The following DPP10 variants were observed in gnomAD, a reference collection of about 807,000 sequenced individuals.
The protein encoded by DPP10 is inactive dipeptidyl peptidase 10.
A neutral mutation model predicts 120.9 loss-of-function variants in DPP10; 33 were observed. The ratio of observed to expected loss-of-function variants is 0.27; its 90% confidence interval spans 0.21 to 0.37. DPP10 has a LOEUF of 0.37. DPP10 is among the 10% of genes least tolerant of loss of function. DPP10 has a pLI of 1.00. For synonymous variants in DPP10, 337 were observed against 326.1 expected (o/e 1.03, Z -0.36); for missense variants, 816 against 942.8 (o/e 0.87, Z 1.76).
At chr2:115,386,418 G>A (rs966975509) in intron 3 of DPP10, among the ~76,000 whole-genome samples, 5 of 152,216 alleles carry the variant, frequency 3.3e-5, no homozygotes, top group African/African-American at 9.6e-5. Context: ...ACTCAGTGAT[G>A]AGTGATGATG....
At chr2:115,622,530 T>C (rs1250852860) in intron 5 of DPP10, among the ~76,000 whole-genome samples, 1 of 98,408 alleles carries the variant, frequency 1.0e-5, no homozygotes, top group Admixed American at 1.2e-4. Context: ...TTTTTTTTTT[T>C]TTAACGTATG....
chr2:115,323,288 A>C (rs372188809), intron 2 of DPP10, among the ~76,000 whole-genome samples: 2 of 152,288 alleles, frequency 1.3e-5, no homozygotes, highest in African/African-American at 4.8e-5. Flanking sequence ...CCATAAGAAA[A>C]AACTCCTCGT....
chr2:115,075,705 C>T (rs1707729868), intron 1 of DPP10, among the ~76,000 whole-genome samples: 2 of 143,274 alleles, frequency 1.4e-5, no homozygotes, highest in African/African-American at 5.2e-5. Context: ...CAATGGTGAA[C>T]TTTTTTTTTT....
At chr2:115,146,952 T>G (rs2051258362) in intron 1 of DPP10, among the ~76,000 whole-genome samples, 1 of 152,116 alleles carries the variant, frequency 6.6e-6, no homozygotes, top group Non-Finnish European at 1.5e-5. Context: ...TTTTCTGTTT[T>G]TTATAAGCCA....
intron 1 of DPP10, among the ~76,000 whole-genome samples, chr2:115,290,065 C>T (rs1169968355): frequency 6.6e-6 from 1 of 152,102 alleles, no homozygotes; most frequent in African/African-American, 2.4e-5. Flanking sequence ...AGACAACCTA[C>T]AGAATGGGAG....
chr2:115,751,250 TA>T (rs1364544447), intron 10 of DPP10, among the ~76,000 whole-genome samples: 1 of 152,220 alleles, frequency 6.6e-6, no homozygotes, highest in Non-Finnish European at 1.5e-5. Context: ...TATTAAAGGT[TA>T]ATACTTCATT....
intron 1 of DPP10, among the ~76,000 whole-genome samples, chr2:114,991,997 G>T (rs1700778297): frequency 6.6e-6 from 1 of 152,206 alleles, no homozygotes; most frequent in Admixed American, 6.5e-5. Flanking sequence ...CCACAGTCAT[G>T]AATTCAACTT....
At chr2:115,235,891 T>G (rs1424972047) in intron 1 of DPP10, among the ~76,000 whole-genome samples, 1 of 152,172 alleles carries the variant, frequency 6.6e-6, no homozygotes, top group Non-Finnish European at 1.5e-5. Context: ...TTGCCTCAAA[T>G]AAGTACACGA....
chr2:115,441,203 G>A (rs1252873831), intron 3 of DPP10, among the ~76,000 whole-genome samples: 1 of 152,114 alleles, frequency 6.6e-6, no homozygotes, highest in African/African-American at 2.4e-5. Context: ...TATAAAATTG[G>A]TCACAGGAAA....
intron 1 of DPP10, among the ~76,000 whole-genome samples, chr2:114,447,034 A>ATTTTTTT (rs3981301): frequency 1.4e-5 from 2 of 138,364 alleles, no homozygotes; most frequent in Non-Finnish European, 3.1e-5. Context: ...TGGTTGTTAA[A>ATTTTTTT]TTTTTTTTTT....
At chr2:115,421,648 G>A (rs1021819601) in intron 3 of DPP10, among the ~76,000 whole-genome samples, 1 of 151,832 alleles carries the variant, frequency 6.6e-6, no homozygotes, top group South Asian at 2.1e-4. Context: ...CGAGGCAGGC[G>A]GATCACGAAG....
At chr2:114,507,247 C>T (rs1683753670) in intron 1 of DPP10, among the ~76,000 whole-genome samples, 1 of 151,992 alleles carries the variant, frequency 6.6e-6, no homozygotes, top group African/African-American at 2.4e-5. Flanking sequence ...CAGAGTTTTA[C>T]CGTGTTGTCC....
chr2:114,855,373 A>G (rs1036567162), intron 1 of DPP10, among the ~76,000 whole-genome samples: 1 of 152,188 alleles, frequency 6.6e-6, no homozygotes, highest in African/African-American at 2.4e-5. Flanking sequence ...TAAAGATAAC[A>G]AATACACCTT....
intron 2 of DPP10, among the ~76,000 whole-genome samples, chr2:115,330,991 C>T (rs1002360292): frequency 2.0e-5 from 3 of 152,120 alleles, no homozygotes; most frequent in African/African-American, 7.2e-5. Context: ...ATGGGGATGG[C>T]ATTGAATCTA....
intron 1 of DPP10, among the ~76,000 whole-genome samples, chr2:114,744,387 C>T (rs1413950493): frequency 6.6e-6 from 1 of 152,098 alleles, no homozygotes; most frequent in Non-Finnish European, 1.5e-5. Flanking sequence ...TTTCAACAAT[C>T]GAATAAGAGA....
intron 5 of DPP10, among the ~76,000 whole-genome samples, chr2:115,562,408 A>T (rs1575184168): frequency 6.6e-6 from 1 of 152,300 alleles, no homozygotes; most frequent in East Asian, 1.9e-4. Flanking sequence ...TTAAAGGTTG[A>T]GACCATATGC....
intron 7 of DPP10, among the ~76,000 whole-genome samples, chr2:115,712,858 G>T (rs1233264106): frequency 3.3e-5 from 5 of 151,740 alleles, no homozygotes; most frequent in African/African-American, 1.2e-4. Flanking sequence ...AGTATTCCCT[G>T]TCATCAAGTC....
At chr2:115,072,878 G>A (rs1707484007) in intron 1 of DPP10, among the ~76,000 whole-genome samples, 1 of 152,092 alleles carries the variant, frequency 6.6e-6, no homozygotes, top group Non-Finnish European at 1.5e-5. Flanking sequence ...CATCTCCTGG[G>A]TTCAAGCAAT....
At chr2:115,594,016 A>T (rs78146806) in intron 5 of DPP10, among the ~76,000 whole-genome samples, 368 of 152,270 alleles carry the variant, frequency 2.4e-3, no homozygotes, top group African/African-American at 8.6e-3. Context: ...AAAAAACTTG[A>T]GATTCTTAGG....
Sources: allele counts gnomAD v4.1 joint callset (sites outside exome capture counted in the v4.1 genomes callset), GRCh38; gene constraint gnomAD v4.1.1; transcripts MANE v1.5; gene names NCBI Gene and HGNC (gene_info 2026-07-23, HGNC 2026-07-21).